The following CAMTA1 variants were observed in gnomAD, a reference collection of about 807,000 sequenced individuals.
CAMTA1 encodes calmodulin binding transcription activator 1.
Under a neutral mutation model 170.9 loss-of-function variants are expected in CAMTA1, and 27 were observed. That is an observed-to-expected ratio of 0.16 (90% confidence interval 0.12 to 0.22). The LOEUF (loss-of-function observed/expected upper bound fraction) is 0.22, where lower values mean the gene tolerates loss of function less well. Ranked by LOEUF, CAMTA1 falls within the 10% of genes least tolerant of loss-of-function variation. The pLI, the probability that CAMTA1 is intolerant of heterozygous loss-of-function variation, is 1.00. For synonymous variants in CAMTA1, 833 were observed against 891.5 expected (o/e 0.93, Z 1.17); for missense variants, 1,619 against 2,217.2 (o/e 0.73, Z 5.42).
chr1:7,396,835 G>C (rs2089350236), intron 5 of CAMTA1, among the ~76,000 whole-genome samples: 2 of 152,162 alleles, frequency 1.3e-5, no homozygotes, highest in African/African-American at 4.8e-5. Context: ...TTGCATCCCT[G>C]GGATGAGTAC....
chr1:7,254,838 A>G (rs1457668552), intron 5 of CAMTA1, among the ~76,000 whole-genome samples: 2 of 152,216 alleles, frequency 1.3e-5, no homozygotes, highest in Non-Finnish European at 2.9e-5. Flanking sequence ...AAACATTTTA[A>G]ATAGCCAGCC....
chr1:6,786,065 C>T (rs1367818936), intron 1 of CAMTA1, among the ~76,000 whole-genome samples: 1 of 151,676 alleles, frequency 6.6e-6, no homozygotes, highest in Non-Finnish European at 1.5e-5. Context: ...CGGCAGCGGC[C>T]GGCGCTCAGC....
chr1:7,305,973 A>G (rs564335549), intron 5 of CAMTA1, among the ~76,000 whole-genome samples: 4 of 152,114 alleles, frequency 2.6e-5, no homozygotes, highest in Admixed American at 2.6e-4. Context: ...TAAGTGAAGT[A>G]TCTGTCCAAA....
At chr1:6,915,232 A>C (rs1680537890) in intron 3 of CAMTA1, among the ~76,000 whole-genome samples, 1 of 152,230 alleles carries the variant, frequency 6.6e-6, no homozygotes, top group African/African-American at 2.4e-5. Flanking sequence ...AAAGAAAAGC[A>C]TATATTTATG....
In CAMTA1 at chr1:7,609,884, C is replaced by G. The variant is rs1229083640; in HGVS notation, c.511-30516C>G. Reference sequence around the variant, plus strand: ...ACATGGAAGCTCGGATTATTATGTACTGCTCTTACTTCACCTCTCCTGGTC... The same window carrying G: ...ACATGGAAGCTCGGATTATTATGTAGTGCTCTTACTTCACCTCTCCTGGTC... On this transcript the variant is annotated intron_variant, in intron 6 of 22. Transcript: ENST00000303635. This position sits in a 1 kb window ranked among gnomAD's most constrained non-coding sequence, Gnocchi z 4.4. Among the ~76,000 whole-genome samples, 1 of 152,176 alleles carries G rather than the reference C, an allele frequency of 6.6e-6. No homozygotes were observed. Among genetic ancestry groups the G allele is most frequent in the Non-Finnish European group, 1.5e-5 (1 of 68,034 alleles).
At position 7,248,964 on chromosome 1, in the gene CAMTA1, C is replaced by A. The variant is rs1354523255; in HGVS notation, c.303-527C>A. 1.3e-5 allele frequency among the ~76,000 whole-genome samples: 2 copies of A among 152,200 alleles called. No individual in the cohort carries two copies. The highest frequency in any genetic ancestry group is 2.9e-5 in the Non-Finnish European group (2 of 68,042). On this transcript the variant is annotated intron_variant, in intron 4 of 22. Coordinates refer to ENST00000303635, the MANE Select transcript of CAMTA1 (RefSeq NM_015215.4). This position sits in a 1 kb window ranked among gnomAD's most constrained non-coding sequence, Gnocchi z 4.0. ...ATGCTCTTTCATATCTAGCAGTAATCTAAATGCAGGCAATGAACCAACAGC... is the reference window on the plus strand; with the variant it reads ...ATGCTCTTTCATATCTAGCAGTAATATAAATGCAGGCAATGAACCAACAGC...
At chr1:7,099,539 G>T (rs1198140230) in intron 4 of CAMTA1, among the ~76,000 whole-genome samples, 1 of 152,162 alleles carries the variant, frequency 6.6e-6, no homozygotes, top group East Asian at 1.9e-4. Flanking sequence ...TGACTCTGCT[G>T]TTTCTTGATT....
intron 3 of CAMTA1, among the ~76,000 whole-genome samples, chr1:7,027,892 C>CT: frequency 6.7e-6 from 1 of 149,378 alleles, no homozygotes; most frequent in South Asian, 2.1e-4. Context: ...GATATTATTT[C>CT]TTTTTCTTTT....
chr1:7,412,516 T>C (rs2090851617), intron 5 of CAMTA1, among the ~76,000 whole-genome samples: 2 of 152,240 alleles, frequency 1.3e-5, no homozygotes, highest in Admixed American at 1.3e-4. Context: ...CCAGTGATGG[T>C]GAGCATTGTT....
In CAMTA1 at chr1:7,041,223, G is replaced by C. The variant is rs773331022; in HGVS notation, c.235-50081G>C. ...GAGGCCCCACACGGCCCCGGAGCTG[G>C]AGCTTCTACCGAAGGGTTGCCCTCT... On this transcript the variant is annotated intron_variant, in intron 3 of 22. Coordinates refer to ENST00000303635, the MANE Select transcript of CAMTA1 (RefSeq NM_015215.4). The surrounding 1 kb of genome is among the most constrained non-coding windows in gnomAD (Gnocchi z 5.1). 1.3e-5 allele frequency among the ~76,000 whole-genome samples: 2 copies of C among 152,246 alleles called. No individual in the cohort carries two copies. Among genetic ancestry groups the C allele is most frequent in the Non-Finnish European group, 2.9e-5 (2 of 68,050 alleles).
intron 3 of CAMTA1, among the ~76,000 whole-genome samples, chr1:6,930,423 C>G (rs545448509): frequency 6.6e-6 from 1 of 152,214 alleles, no homozygotes; most frequent in African/African-American, 2.4e-5. Context: ...CTTTCTGTAA[C>G]TGATTCTAAT....
chr1:7,354,408 C>T (rs1209265192), intron 5 of CAMTA1, among the ~76,000 whole-genome samples: 1 of 152,144 alleles, frequency 6.6e-6, no homozygotes, highest in African/African-American at 2.4e-5. Context: ...CTCGGCCTCC[C>T]AAAGTGCTGG....
intron 3 of CAMTA1, among the ~76,000 whole-genome samples, chr1:6,929,324 C>T (rs974802840): frequency 3.3e-5 from 5 of 151,718 alleles, no homozygotes; most frequent in Admixed American, 6.6e-5. Context: ...GGACTATAGG[C>T]GCATACCACC....
chr1:7,547,367 C>CAG lies in CAMTA1; in HGVS notation c.510+79467_510+79468insGA, dbSNP rs1309026206. ...TCATATGCACACACACACACACACA[C>CAG]ACACACACACACACACACACACAGA... On this transcript the variant is annotated intron_variant, in intron 6 of 22. Coordinates refer to ENST00000303635, the MANE Select transcript of CAMTA1 (RefSeq NM_015215.4). The surrounding 1 kb of genome is among the most constrained non-coding windows in gnomAD (Gnocchi z 5.7). Among the ~76,000 whole-genome samples the CAG allele has an allele frequency of 1.6e-3, 244 of 150,574 alleles. No homozygotes were observed. The highest frequency in any genetic ancestry group is 5.5e-3 in the African/African-American group (226 of 41,356).
At chr1:7,493,109 T>A (rs2093752878) in intron 6 of CAMTA1, among the ~76,000 whole-genome samples, 1 of 114,670 alleles carries the variant, frequency 8.7e-6, no homozygotes, top group Non-Finnish European at 1.7e-5. Flanking sequence ...CAAACCTACA[T>A]ACACACACGC....
At chr1:6,847,963 A>C (rs1391234048) in intron 3 of CAMTA1, among the ~76,000 whole-genome samples, 1 of 150,718 alleles carries the variant, frequency 6.6e-6, no homozygotes, top group African/African-American at 2.4e-5. Context: ...TGCCTGCCTC[A>C]GCCTCCCAAA....
At chr1:7,169,352 C>T (rs1177743421) in intron 4 of CAMTA1, among the ~76,000 whole-genome samples, 1 of 152,100 alleles carries the variant, frequency 6.6e-6, no homozygotes, top group East Asian at 1.9e-4. Context: ...TGGATTGTTA[C>T]CTGAATATTT....
At chr1:7,319,582 C>T (rs930964592) in intron 5 of CAMTA1, among the ~76,000 whole-genome samples, 1 of 152,156 alleles carries the variant, frequency 6.6e-6, no homozygotes, top group Non-Finnish European at 1.5e-5. Flanking sequence ...TACCCAGTCT[C>T]AGCTATTTTT....
Position 7,664,283 on chromosome 1 carries a change from C to A in CAMTA1, c.1736C>A (p.Thr579Asn), listed in dbSNP as rs2095984184. The stretch of plus-strand genomic sequence containing the variant: ...TCGGGCGGCGGCCTGAGTCCCAGCA[C>A]CACCCTGGAGCAGATGGACTTCAGC... ...LPSGGGLSPS[T>N]TLEQMDFSAI... is the part of the protein sequence containing the mutation. The change falls in exon 9 of 23, where the codon ACC becomes AAC. Residue 579 changes from threonine to asparagine, a missense_variant. Coordinates refer to ENST00000303635, the MANE Select transcript of CAMTA1 (RefSeq NM_015215.4). 1 of 1,612,930 alleles carries A rather than the reference C, an allele frequency of 6.2e-7. No homozygotes were observed. The highest frequency in any genetic ancestry group is 8.5e-7 in the Non-Finnish European group (1 of 1,179,942).
Sources: gnomAD v4.1 joint callset for allele counts (sites outside exome capture counted in the v4.1 genomes callset) on GRCh38, gnomAD v4.1.1 for gene constraint, Gnocchi (gnomAD v3.1) non-coding constraint, MANE v1.5 for transcripts, NCBI Gene and HGNC (gene_info 2026-07-23, HGNC 2026-07-21) for gene names.